Variants in STPG2 observed in about 807,000 individuals in gnomAD.
The protein encoded by STPG2 is sperm-tail PG-rich repeat-containing protein 2.
A neutral mutation model predicts 54.2 loss-of-function variants in STPG2; 56 were observed. The ratio of observed to expected loss-of-function variants is 1.03; its 90% CI spans 0.83 to 1.29. STPG2 has a LOEUF of 1.29. Among genes scored for constraint, STPG2 ranks in the 50% most tolerant of loss-of-function variants. The pLI is 0.00. For synonymous variants in STPG2, 200 were observed against 181.8 expected (o/e 1.10, Z -0.81); for missense variants, 596 against 544.9 (o/e 1.09, Z -0.93).
intron 5 of STPG2, among the ~76,000 whole-genome samples, chr4:98,084,301 T>G (rs1428498615): frequency 6.6e-6 from 1 of 152,216 alleles, no homozygotes; most frequent in East Asian, 1.9e-4. Context: ...TTTATAGTGC[T>G]AAATAGTATT....
At chr4:98,057,767 G>A (rs1737523464) in intron 5 of STPG2, among the ~76,000 whole-genome samples, 1 of 152,018 alleles carries the variant, frequency 6.6e-6, no homozygotes, top group Non-Finnish European at 1.5e-5. Context: ...ATTTTCCAAG[G>A]TGGAAATAAA....
intron 9 of STPG2, among the ~76,000 whole-genome samples, chr4:97,784,192 A>C (rs1726750984): frequency 6.6e-6 from 1 of 152,104 alleles, no homozygotes; most frequent in Non-Finnish European, 1.5e-5. Context: ...AAAAATGAAG[A>C]TTATATGCTA....
chr4:97,909,788 C>T (rs964304343), intron 8 of STPG2, among the ~76,000 whole-genome samples: 1 of 151,968 alleles, frequency 6.6e-6, no homozygotes. Flanking sequence ...TAGAAGCAGA[C>T]TTCTTTAAAT....
chr4:97,591,257 T>G (rs1733139386), intron 10 of STPG2, among the ~76,000 whole-genome samples: 1 of 152,122 alleles, frequency 6.6e-6, no homozygotes, highest in South Asian at 2.1e-4. Flanking sequence ...TTTAACATTT[T>G]TATTTTATAA....
chr4:97,920,141 G>T (rs1262756623), intron 8 of STPG2, among the ~76,000 whole-genome samples: 1 of 152,196 alleles, frequency 6.6e-6, no homozygotes, highest in Non-Finnish European at 1.5e-5. Context: ...GAGAGGACAG[G>T]ATTCTGGCTT....
chr4:97,659,614 C>T (rs1722316348), intron 10 of STPG2, among the ~76,000 whole-genome samples: 1 of 152,110 alleles, frequency 6.6e-6, no homozygotes, highest in Non-Finnish European at 1.5e-5. Context: ...TTTACCTGTG[C>T]AATAAGGAGA....
chr4:97,872,032 G>C (rs1285497079), intron 8 of STPG2, among the ~76,000 whole-genome samples: 1 of 150,828 alleles, frequency 6.6e-6, no homozygotes, highest in Non-Finnish European at 1.5e-5. Context: ...TCTCTAAAAA[G>C]AACAGTCATA....
intron 4 of STPG2, among the ~76,000 whole-genome samples, chr4:97,543,437 T>C (rs1731765112): frequency 6.6e-6 from 1 of 151,826 alleles, no homozygotes; most frequent in African/African-American, 2.4e-5. Flanking sequence ...AATGTAATAA[T>C]AACATGCCAA....
intron 4 of STPG2, among the ~76,000 whole-genome samples, chr4:97,505,994 A>G (rs1182583186): frequency 6.8e-6 from 1 of 146,328 alleles, no homozygotes; most frequent in Admixed American, 7.1e-5. Flanking sequence ...GACCAGCAAG[A>G]ATTCAGGACC....
At chr4:98,068,839 G>A (rs1426793303) in intron 5 of STPG2, among the ~76,000 whole-genome samples, 1 of 151,974 alleles carries the variant, frequency 6.6e-6, no homozygotes, top group African/African-American at 2.4e-5. Context: ...ATCCCAAACA[G>A]CAGGTTACTG....
intron 10 of STPG2, among the ~76,000 whole-genome samples, chr4:97,579,652 C>T (rs1217443153): frequency 2.0e-5 from 3 of 152,004 alleles, no homozygotes; most frequent in Non-Finnish European, 4.4e-5. Context: ...ACTTTTAATT[C>T]ATCTATTTAC....
chr4:97,637,102 T>C (rs1173908613), intron 10 of STPG2, among the ~76,000 whole-genome samples: 1 of 152,218 alleles, frequency 6.6e-6, no homozygotes, highest in Non-Finnish European at 1.5e-5. Context: ...AATAAAATAC[T>C]GGCAAACCGA....
At chr4:98,098,336 A>G (rs1738922459) in intron 5 of STPG2, among the ~76,000 whole-genome samples, 1 of 152,114 alleles carries the variant, frequency 6.6e-6, no homozygotes, top group Non-Finnish European at 1.5e-5. Context: ...TAGTGAACTC[A>G]TTTTTGACTA....
intron 7 of STPG2, among the ~76,000 whole-genome samples, chr4:97,959,689 T>C (rs976837383): frequency 8.6e-5 from 13 of 151,522 alleles, no homozygotes; most frequent in African/African-American, 2.4e-4. Context: ...AATAGTGATA[T>C]TGAAATGGTA....
At chr4:97,621,506 C>T (rs546562206) in intron 10 of STPG2, among the ~76,000 whole-genome samples, 33 of 151,980 alleles carry the variant, frequency 2.2e-4, no homozygotes, top group South Asian at 1.0e-3. Context: ...AATACTTCTA[C>T]GTACACAAAT....
intron 9 of STPG2, among the ~76,000 whole-genome samples, chr4:97,715,556 G>T (rs1054790936): frequency 2.6e-5 from 4 of 151,970 alleles, no homozygotes; most frequent in Admixed American, 1.3e-4. Flanking sequence ...GTACATTAGA[G>T]TGGCCTCAGA....
chr4:98,115,900 G>A (rs10470951), intron 3 of STPG2, among the ~76,000 whole-genome samples: 59,974 of 151,590 alleles, frequency 0.4, 12,107 homozygotes, highest in Middle Eastern at 0.46. Flanking sequence ...TCACAATTCC[G>A]TTTGTATTAA....
intron 4 of STPG2, among the ~76,000 whole-genome samples, chr4:97,493,545 T>C (rs1323504904): frequency 2.0e-5 from 3 of 151,312 alleles, no homozygotes; most frequent in Non-Finnish European, 4.4e-5. Flanking sequence ...AAAAAAGGGA[T>C]ATACAAGTTA....
chr4:98,083,559 C>T (rs1738414545), intron 5 of STPG2, among the ~76,000 whole-genome samples: 1 of 152,144 alleles, frequency 6.6e-6, no homozygotes, highest in Admixed American at 6.5e-5. Flanking sequence ...AAATTTCCAT[C>T]ACATTTATCA....
Sources: allele counts gnomAD v4.1 joint callset (sites outside exome capture counted in the v4.1 genomes callset), GRCh38; gene constraint gnomAD v4.1.1; transcripts MANE v1.5; gene names NCBI Gene and HGNC (gene_info 2026-07-23, HGNC 2026-07-21).